The following SERPINA12 variants were observed in gnomAD, a reference collection of about 807,000 sequenced individuals.
SERPINA12 encodes the protein serpin A12.
Under a neutral mutation model 25.9 loss-of-function variants are expected in SERPINA12, and 21 were observed. That is an observed-to-expected ratio of 0.81 (90% CI 0.58 to 1.17). The LOEUF (loss-of-function observed/expected upper bound fraction) is 1.17, where lower values mean the gene tolerates loss of function less well. Ranked by LOEUF, SERPINA12 falls within the 50% of genes most tolerant of loss-of-function variation. The pLI is 0.00. For synonymous variants in SERPINA12, 220 were observed against 196.0 expected, an observed-to-expected ratio of 1.12 and a Z score of -1.02; for missense variants, 562 against 508.3, an observed-to-expected ratio of 1.11 and a Z score of -1.02.
rs1316012938 is a variant in SERPINA12 at position 94,501,066 on chromosome 14, T to TA, written c.-33-2637dup. 8.1e-6 allele frequency: 8 copies of TA among 985,430 alleles called. No homozygotes were observed. The East Asian group carries it at 5.7e-4, about 70-fold the overall frequency. 61.0% of individuals were successfully genotyped at this position (985,430 alleles called of 1,614,324 possible). A position where few individuals can be genotyped will look rare whatever the true frequency, so the allele number is the denominator to read the frequency against. On this transcript the variant is annotated intron_variant, in intron 1 of 4. Coordinates refer to ENST00000677451, the MANE Select transcript of SERPINA12 (RefSeq NM_001382267.1). Reference sequence around the variant, plus strand: ...AACAGCTGGTGATGAACAAGGGCTCTATGGGCTGCTGAAAACAGATTGTAG... The same window carrying TA: ...AACAGCTGGTGATGAACAAGGGCTCTAATGGGCTGCTGAAAACAGATTGTAG...
At position 94,501,668 on chromosome 14, in the gene SERPINA12, C is replaced by A. The variant is rs1422395535; in HGVS notation, c.-33-3238G>T. Among the ~76,000 whole-genome samples, 47 of 129,326 alleles carry A rather than the reference C, an allele frequency of 3.6e-4. 2 individuals carry two copies. The highest frequency in any genetic ancestry group is 1.3e-3 in the African/African-American group (45 of 33,476). 84.8% of individuals were successfully genotyped at this position (129,326 alleles called of 152,430 possible). On this transcript the variant is annotated intron_variant, in intron 1 of 4. Transcript: ENST00000677451. ...GGTGGCACTGCCACCACCTCCCCGC[C>A]CCCCCACCCCCGCCCCAAGGGACAC...
chr14:94,488,709 CCAGA>C (rs1175550378), intron 4 of SERPINA12, among the ~76,000 whole-genome samples: 2 of 152,208 alleles, frequency 1.3e-5, no homozygotes, highest in Non-Finnish European at 2.9e-5. Context: ...TCTTCTTGCC[CCAGA>C]CAGTCAGGTG....
At chr14:94,500,771 G>T (rs1900683558) in intron 1 of SERPINA12, 2 of 762,710 alleles carry the variant, frequency 2.6e-6, no homozygotes, top group Non-Finnish European at 3.2e-6. Flanking sequence ...CTGGGTCCAT[G>T]GAAAAAGCTG....
rs1900419365 is a variant in SERPINA12 at position 94,496,385 on chromosome 14, A to T, written c.893T>A (p.Leu298Ter). Residue 298 changes from leucine (L) to a stop codon, truncating the protein, a stop_gained, in exon 3 of 5, where the codon TTA becomes TAA. Coordinates refer to ENST00000677451, the MANE Select transcript of SERPINA12 (RefSeq NM_001382267.1). LOFTEE classifies it high-confidence loss of function. ...GCACCCACTTTACCTGCGTGACAGT[A>T]ATGTTTTCCATCTGGAGAAAGTGTC... ...QVDTFSRWKTLLSRRVVDVSV... is the reference protein window; with the variant it reads ...QVDTFSRWKT The T allele has an allele frequency of 6.2e-7, 1 of 1,614,066 alleles. No homozygotes were observed. Among genetic ancestry groups the T allele is most frequent in the Non-Finnish European group, 8.5e-7 (1 of 1,180,048 alleles).
intron 1 of SERPINA12, among the ~76,000 whole-genome samples, chr14:94,508,256 A>G (rs1470290038): frequency 2.0e-5 from 3 of 152,284 alleles, no homozygotes; most frequent in Admixed American, 6.5e-5. Flanking sequence ...ATTAATAATA[A>G]TTGATTTTGA....
intron 3 of SERPINA12, among the ~76,000 whole-genome samples, chr14:94,493,176 C>T (rs1900249531): frequency 6.6e-6 from 1 of 152,186 alleles, no homozygotes; most frequent in Admixed American, 6.5e-5. Flanking sequence ...CTAGGCTTCC[C>T]ACCTGTAGAT....
At chr14:94,508,818 T>A (rs891342667) in intron 1 of SERPINA12, among the ~76,000 whole-genome samples, 31 of 152,182 alleles carry the variant, frequency 2.0e-4, no homozygotes, top group African/African-American at 7.2e-4. Context: ...TGGGTAAATA[T>A]GCATTGAAAC....
chr14:94,517,441 C>G (rs1814520654), exon 1 of SERPINA12: 1 of 152,236 alleles, frequency 6.6e-6, no homozygotes, highest in South Asian at 2.1e-4. Flanking sequence ...CGACTGTGCA[C>G]CAGCATGGTG....
chr14:94,495,837 G>T lies in SERPINA12; in HGVS notation c.905+536C>A, dbSNP rs554255479. On this transcript the variant is annotated intron_variant, in intron 3 of 4. Transcript: ENST00000677451. Reference sequence around the variant, plus strand: ...CCCCAAAATCTATCAGTAAGCAAGTGCCTGGGAGGAATTCTGTAGGCTTAG... The same window carrying T: ...CCCCAAAATCTATCAGTAAGCAAGTTCCTGGGAGGAATTCTGTAGGCTTAG... Among the ~76,000 whole-genome samples, 13 of 152,320 alleles carry T rather than the reference G, an allele frequency of 8.5e-5. No individual in the cohort carries two copies. In the South Asian group the frequency reaches 2.5e-3, roughly 29 times the overall value.
intron 3 of SERPINA12, among the ~76,000 whole-genome samples, chr14:94,490,423 T>A: frequency 6.6e-6 from 1 of 151,990 alleles, no homozygotes; most frequent in Middle Eastern, 3.2e-3. Flanking sequence ...CAGGCTCTCC[T>A]GAGGTACCTG....
intron 1 of SERPINA12, among the ~76,000 whole-genome samples, chr14:94,507,870 G>T (rs1385347583): frequency 6.6e-6 from 1 of 152,184 alleles, no homozygotes; most frequent in East Asian, 1.9e-4. Flanking sequence ...AGTGCTTGTG[G>T]GTTTACCAAG....
At chr14:94,490,942 G>T (rs1261830933) in intron 3 of SERPINA12, among the ~76,000 whole-genome samples, 1 of 152,078 alleles carries the variant, frequency 6.6e-6, no homozygotes, top group East Asian at 1.9e-4. Context: ...TGACACTGCT[G>T]CTTCCAGGCT....
At position 94,498,420 on chromosome 14, in the gene SERPINA12, G is replaced by T. The variant is rs201236723; in HGVS notation, c.-23C>A. The stretch of plus-strand genomic sequence containing the variant: ...CATTTTCCTTGAAGAATATCCTGTT[G>T]AGTAGTAGACCTGAGGTCAGCAGAA... On this transcript the variant is annotated 5_prime_UTR_variant, in exon 2 of 5. Transcript: ENST00000677451. 398 of 1,607,168 alleles carry T rather than the reference G, an allele frequency of 2.5e-4. No individual in the cohort carries two copies. The African/African-American group carries it at 4.9e-3, about 20-fold the overall frequency.
chr14:94,488,878 T>A (rs1243029852), intron 4 of SERPINA12, among the ~76,000 whole-genome samples: 1 of 152,208 alleles, frequency 6.6e-6, no homozygotes, highest in East Asian at 1.9e-4. Flanking sequence ...GTGGATGACC[T>A]GAGGTCAGGA....
At chr14:94,502,854 A>G (rs1327588933) in intron 1 of SERPINA12, among the ~76,000 whole-genome samples, 1 of 152,226 alleles carries the variant, frequency 6.6e-6, no homozygotes, top group Non-Finnish European at 1.5e-5. Context: ...TGCATGCACC[A>G]GACACCCCTT....
chr14:94,491,984 T>G (rs1900196073), intron 3 of SERPINA12, among the ~76,000 whole-genome samples: 1 of 152,092 alleles, frequency 6.6e-6, no homozygotes, highest in Non-Finnish European at 1.5e-5. Flanking sequence ...GGCTGGGAAC[T>G]GAGCCCTGAG....
At chr14:94,504,317 CATG>C (rs1217673283) in intron 1 of SERPINA12, 1 of 152,200 alleles carries the variant, frequency 6.6e-6, no homozygotes, top group Non-Finnish European at 1.5e-5. Flanking sequence ...GAGGCAGCGG[CATG>C]ATATCGTACC....
At position 94,496,483 on chromosome 14, in the gene SERPINA12, C is replaced by T; in HGVS notation, c.795G>A (p.Gln265=). 1 of 1,614,102 alleles carries T rather than the reference C, an allele frequency of 6.2e-7. No individual in the cohort carries two copies. The highest frequency in any genetic ancestry group is 8.5e-7 in the Non-Finnish European group (1 of 1,180,016). The change falls in exon 3 of 5, where the codon CAG becomes CAA. Residue 265 remains glutamine, a synonymous_variant. Transcript: ENST00000677451. The stretch of plus-strand genomic sequence containing the variant: ...GGATGAAGATGGCTGTGATATTTTT[C>T]TGGTAGGGTATTTCCAGGATGGTGC... ...LSCTILEIPY[Q]KNITAIFILP...
rs1595693210 is a variant in SERPINA12 at position 94,498,493 on chromosome 14, C to T, written c.-33-63G>A. 16 of 1,337,786 alleles carry T rather than the reference C, an allele frequency of 1.2e-5. No homozygotes were observed. The East Asian group carries it at 3.2e-4, about 27-fold the overall frequency. The allele number at this position is 1,337,786 out of a possible 1,614,324, so 82.9% of individuals were successfully genotyped here. A position where few individuals can be genotyped will look rare whatever the true frequency, so the allele number is the denominator to read the frequency against. On this transcript the variant is annotated intron_variant, in intron 1 of 4. Coordinates refer to ENST00000677451, the MANE Select transcript of SERPINA12 (RefSeq NM_001382267.1). ...TGCCTACATGTTACCCAGAGGAAGA[C>T]CAGATGAAAGAAGAAATACAGTGAC... is the stretch of plus-strand genomic sequence containing the variant.
Sources: gnomAD v4.1 joint callset for allele counts (sites outside exome capture counted in the v4.1 genomes callset) on GRCh38, gnomAD v4.1.1 for gene constraint, MANE v1.5 for transcripts, NCBI Gene and HGNC (gene_info 2026-07-23, HGNC 2026-07-21) for gene names.